The following WBP1L variants were observed in gnomAD, a reference collection of about 807,000 sequenced individuals.
WBP1L encodes WW domain binding protein 1-like.
A neutral mutation model predicts 33.7 loss-of-function variants in WBP1L; 17 were observed. The ratio of observed to expected loss-of-function variants is 0.50; its 90% CI spans 0.34 to 0.76. WBP1L has a LOEUF of 0.76. Ranked by LOEUF, WBP1L falls within the 30% of genes least tolerant of loss-of-function variation. The pLI is 0.01. For synonymous variants in WBP1L, 173 were observed against 190.8 expected, an observed-to-expected ratio of 0.91 and a Z score of 0.77; for missense variants, 389 against 469.4, an observed-to-expected ratio of 0.83 and a Z score of 1.58.
chr10:102,810,502 CTT>C (rs1491099420), intron 3 of WBP1L, among the ~76,000 whole-genome samples: 2 of 5,904 alleles, frequency 3.4e-4, no homozygotes, highest in South Asian at 4.6e-3. Flanking sequence ...TCCTTCCTTC[CTT>C]CCTTCCTTCC....
At chr10:102,777,727 G>A (rs1348927000) in intron 1 of WBP1L, among the ~76,000 whole-genome samples, 2 of 152,026 alleles carry the variant, frequency 1.3e-5, no homozygotes, top group Admixed American at 1.3e-4. Context: ...ACTATACCCG[G>A]CTAAGTTTTG....
chr10:102,806,660 A>G (rs7896903), intron 2 of WBP1L, among the ~76,000 whole-genome samples: 78,887 of 152,076 alleles, frequency 0.52, 21,486 homozygotes, highest in Middle Eastern at 0.63. Flanking sequence ...GTAACAGGGA[A>G]AAAAATCCTC....
chr10:102,770,148 T>C (rs774381904), intron 1 of WBP1L, among the ~76,000 whole-genome samples: 1 of 152,226 alleles, frequency 6.6e-6, no homozygotes, highest in Non-Finnish European at 1.5e-5. Context: ...CAGGATTCTT[T>C]TGTTAATGCC....
chr10:102,786,356 T>C (rs1843415056), intron 1 of WBP1L, among the ~76,000 whole-genome samples: 1 of 152,332 alleles, frequency 6.6e-6, no homozygotes, highest in East Asian at 1.9e-4. Context: ...ATTTCATGTT[T>C]AGAGAGCAGG....
intron 1 of WBP1L, among the ~76,000 whole-genome samples, chr10:102,782,500 CCTT>C (rs1446764854): frequency 6.6e-6 from 1 of 151,278 alleles, no homozygotes; most frequent in Non-Finnish European, 1.5e-5. Flanking sequence ...CTTTGAAATC[CCTT>C]CTTCTGCCCT....
intron 1 of WBP1L, among the ~76,000 whole-genome samples, chr10:102,785,721 C>A (rs748178396): frequency 6.6e-6 from 1 of 152,212 alleles, no homozygotes; most frequent in Non-Finnish European, 1.5e-5. Context: ...TCACCTGCTC[C>A]GCTGCATGCT....
intron 1 of WBP1L, among the ~76,000 whole-genome samples, chr10:102,766,462 A>G (rs1158943626): frequency 6.8e-6 from 1 of 146,388 alleles, no homozygotes; most frequent in African/African-American, 2.5e-5. Flanking sequence ...AAAAAAAAAA[A>G]GGAAAAAAAA....
At chr10:102,812,140 T>C (rs781311027) in intron 3 of WBP1L, among the ~76,000 whole-genome samples, 5 of 152,110 alleles carry the variant, frequency 3.3e-5, no homozygotes, top group Non-Finnish European at 7.4e-5. Flanking sequence ...TTTGGAAGGT[T>C]AGGAGGAAGA....
intron 1 of WBP1L, among the ~76,000 whole-genome samples, chr10:102,776,787 T>C (rs1422913890): frequency 2.0e-5 from 3 of 152,120 alleles, no homozygotes; most frequent in Admixed American, 6.5e-5. Flanking sequence ...CATTTTGATT[T>C]GGCTAGTTAG....
intron 1 of WBP1L, among the ~76,000 whole-genome samples, chr10:102,788,772 A>C (rs781118028): frequency 1.3e-5 from 2 of 152,132 alleles, no homozygotes; most frequent in Admixed American, 6.5e-5. Flanking sequence ...TTTGTTGCTT[A>C]CTCTGCAAGA....
intron 2 of WBP1L, among the ~76,000 whole-genome samples, chr10:102,809,691 C>T (rs1186274168): frequency 6.6e-6 from 1 of 152,216 alleles, no homozygotes; most frequent in Admixed American, 6.5e-5. Flanking sequence ...TTCCTGCCCA[C>T]TTCTATCCCA....
intron 2 of WBP1L, among the ~76,000 whole-genome samples, chr10:102,807,367 C>G (rs1034489332): frequency 3.3e-5 from 5 of 152,114 alleles, no homozygotes; most frequent in African/African-American, 1.2e-4. Flanking sequence ...CATACCCCTC[C>G]TTTTTCTGTC....
intron 2 of WBP1L, among the ~76,000 whole-genome samples, chr10:102,799,161 A>G (rs1843616166): frequency 6.6e-6 from 1 of 152,034 alleles, no homozygotes. Flanking sequence ...CCCCCTCTCT[A>G]CTAAAAATAC....
chr10:102,809,337 C>T (rs145026543), intron 2 of WBP1L, among the ~76,000 whole-genome samples: 1,595 of 150,686 alleles, frequency 0.011, 31 homozygotes, highest in African/African-American at 0.037. Context: ...CTCGGCCTCC[C>T]AAAATGCTGG....
intron 1 of WBP1L, among the ~76,000 whole-genome samples, chr10:102,747,358 C>CAAAA (rs71019610): frequency 8.9e-4 from 70 of 78,678 alleles, no homozygotes; most frequent in East Asian, 1.4e-3. Context: ...GACTCCGTCT[C>CAAAA]AAAAAAAAAA....
intron 2 of WBP1L, among the ~76,000 whole-genome samples, chr10:102,798,430 G>T (rs1843603607): frequency 6.6e-6 from 1 of 151,660 alleles, no homozygotes; most frequent in Non-Finnish European, 1.5e-5. Flanking sequence ...GCCCAGGTTT[G>T]CCTTTCTTTT....
intron 1 of WBP1L, among the ~76,000 whole-genome samples, chr10:102,748,335 C>T (rs1842889760): frequency 6.6e-6 from 1 of 151,836 alleles, no homozygotes; most frequent in South Asian, 2.1e-4. Flanking sequence ...TTTCCCACCT[C>T]ACCCTCAATG....
chr10:102,769,429 C>T (rs573526093), intron 1 of WBP1L, among the ~76,000 whole-genome samples: 2 of 147,706 alleles, frequency 1.4e-5, no homozygotes, highest in African/African-American at 2.5e-5. Context: ...TCTTGTGTGA[C>T]TGTGTTTGTC....
At chr10:102,797,438 C>T (rs1195866873) in intron 1 of WBP1L, among the ~76,000 whole-genome samples, 1 of 152,250 alleles carries the variant, frequency 6.6e-6, no homozygotes, top group East Asian at 1.9e-4. Flanking sequence ...AAACTTCACT[C>T]TGCCAATTGC....
Sources: allele counts gnomAD v4.1 joint callset (sites outside exome capture counted in the v4.1 genomes callset), GRCh38; gene constraint gnomAD v4.1.1; transcripts MANE v1.5; gene names NCBI Gene and HGNC (gene_info 2026-07-23, HGNC 2026-07-21).